PTPRT: variants seen among roughly 807,000 people sequenced by gnomAD.
The protein encoded by PTPRT is receptor-type tyrosine-protein phosphatase T.
Under a neutral mutation model 176.8 loss-of-function variants are expected in PTPRT, and 56 were observed. That is an observed-to-expected ratio of 0.32 (90% confidence interval 0.26 to 0.40). The LOEUF is 0.40. Among genes scored for constraint, PTPRT ranks in the 10% least tolerant of loss-of-function variants. The pLI is 1.00. For synonymous variants in PTPRT, 783 were observed against 739.0 expected (o/e 1.06, Z -0.96); for missense variants, 1,540 against 1,908.2 (o/e 0.81, Z 3.60).
intron 9 of PTPRT, among the ~76,000 whole-genome samples, chr20:42,354,325 T>G (rs2058329274): frequency 6.6e-6 from 1 of 152,110 alleles, no homozygotes; most frequent in Non-Finnish European, 1.5e-5. Flanking sequence ...TGTTTCTGGT[T>G]TCTTTCTCTC....
At chr20:42,380,651 T>C (rs1031084844) in intron 9 of PTPRT, among the ~76,000 whole-genome samples, 1 of 152,222 alleles carries the variant, frequency 6.6e-6, no homozygotes, top group African/African-American at 2.4e-5. Context: ...CTACGGCTCT[T>C]AGCGTAGCTT....
intron 2 of PTPRT, among the ~76,000 whole-genome samples, chr20:42,798,370 GC>G (rs1246847172): frequency 6.6e-6 from 1 of 152,144 alleles, no homozygotes; most frequent in Admixed American, 6.5e-5. Context: ...AAGGCACAAT[GC>G]ACTTTCAAGT....
intron 2 of PTPRT, among the ~76,000 whole-genome samples, chr20:42,872,264 G>T (rs1209347752): frequency 6.6e-6 from 1 of 152,206 alleles, no homozygotes; most frequent in Non-Finnish European, 1.5e-5. Context: ...GGTCTTTTTA[G>T]AAAAGGGTAA....
intron 11 of PTPRT, among the ~76,000 whole-genome samples, chr20:42,317,202 T>C (rs565014680): frequency 6.6e-6 from 1 of 152,354 alleles, no homozygotes; most frequent in East Asian, 1.9e-4. Flanking sequence ...TCCTGTCTAG[T>C]GATCTCATAT....
At chr20:42,526,775 T>C (rs1364376871) in intron 7 of PTPRT, among the ~76,000 whole-genome samples, 2 of 152,048 alleles carry the variant, frequency 1.3e-5, no homozygotes, top group East Asian at 3.9e-4. Flanking sequence ...AGGTTTTATT[T>C]GACGTGGAGC....
chr20:42,243,536 A>T lies in PTPRT; in HGVS notation c.2312+5151T>A, dbSNP rs148282874. Among the ~76,000 whole-genome samples the T allele has an allele frequency of 5.3e-5, 8 of 152,298 alleles. No homozygotes were observed. In the East Asian group the frequency reaches 1.5e-3, roughly 29 times the overall value. On this transcript the variant is annotated intron_variant, in intron 14 of 30. Transcript: ENST00000373187. ...GGCTGAGAGTCAGAGTGTGATAGGA[A>T]CTTTGTAGGTTAAGAGAAATCTCAG... is the stretch of plus-strand genomic sequence containing the variant.
chr20:42,985,043 G>A (rs1364959179), intron 1 of PTPRT, among the ~76,000 whole-genome samples: 1 of 152,210 alleles, frequency 6.6e-6, no homozygotes, highest in East Asian at 1.9e-4. Context: ...AAGATTGAGT[G>A]AATATGACCC....
At chr20:42,639,915 T>C (rs2074700045) in intron 7 of PTPRT, among the ~76,000 whole-genome samples, 1 of 152,132 alleles carries the variant, frequency 6.6e-6, no homozygotes, top group Non-Finnish European at 1.5e-5. Flanking sequence ...CCGCTTCTGC[T>C]TTACAAAATA....
In PTPRT at chr20:42,799,435, G is replaced by C. The variant is rs142009036; in HGVS notation, c.215-7969C>G. ...TTCCAATGATGATGTGATGAAAACA[G>C]ACCCCGGGACAATGTTGCAGGGCAT... On this transcript the variant is annotated intron_variant, in intron 2 of 30. Coordinates refer to ENST00000373187, the MANE Select transcript of PTPRT (RefSeq NM_007050.6). Among the ~76,000 whole-genome samples the C allele has an allele frequency of 1.1e-3, 165 of 152,108 alleles. 1 individual carries two copies. Among genetic ancestry groups the C allele is most frequent in the African/African-American group, 3.3e-3 (135 of 41,416 alleles).
intron 15 of PTPRT, among the ~76,000 whole-genome samples, chr20:42,202,269 C>T (rs973954854): frequency 2.6e-5 from 4 of 152,162 alleles, no homozygotes; most frequent in African/African-American, 4.8e-5. Context: ...CGTGCCCAGC[C>T]GAGAAAGTTT....
In PTPRT at chr20:42,560,544, A is replaced by G. The variant is rs553717177; in HGVS notation, c.1154-87982T>C. Among the ~76,000 whole-genome samples the G allele has an allele frequency of 4.1e-4, 62 of 152,276 alleles. No homozygotes were observed. The South Asian group carries it at 0.013, about 32-fold the overall frequency. The stretch of plus-strand genomic sequence containing the variant: ...AATGTCCTCTGGGGGAATATTGCCA[A>G]TTTCTCATAGGGAGCAAAATTGCCT... On this transcript the variant is annotated intron_variant, in intron 7 of 30. Transcript: ENST00000373187.
chr20:42,280,493 T>A (rs1386191099), intron 13 of PTPRT, among the ~76,000 whole-genome samples: 3 of 152,178 alleles, frequency 2.0e-5, no homozygotes, highest in African/African-American at 7.2e-5. Flanking sequence ...GATTTCCCAA[T>A]ACCCTGACCT....
intron 15 of PTPRT, among the ~76,000 whole-genome samples, chr20:42,209,361 G>A (rs1261634652): frequency 6.6e-6 from 1 of 151,876 alleles, no homozygotes; most frequent in Non-Finnish European, 1.5e-5. Context: ...TCCAGGAGCT[G>A]GTTTTTTGAA....
At position 42,350,224 on chromosome 20, in the gene PTPRT, T is replaced by TTTGTTGTTG. The variant is rs1555830518; in HGVS notation, c.1865+403_1865+404insCAACAACAA. ...ATTAGGATGTTTCTTGTTTTTTTTT[T>TTTGTTGTTG]TTTTTTTTTTTTTTTTTTTTTTGAG... On this transcript the variant is annotated intron_variant, in intron 11 of 30. Transcript: ENST00000373187. Among the ~76,000 whole-genome samples the TTTGTTGTTG allele has an allele frequency of 2.0e-4, 5 of 25,618 alleles. 1 individual carries two copies. The highest frequency in any genetic ancestry group is 5.0e-4 in the African/African-American group (4 of 8,036). 16.8% of individuals were successfully genotyped at this position (25,618 alleles called of 152,430 possible).
chr20:42,085,933 CTTTTCTTT>C (rs1983852975), intron 27 of PTPRT, 80 bp from the exon 28 acceptor site: 14 of 1,420,568 alleles, frequency 9.9e-6, no homozygotes, highest in East Asian at 2.4e-5. Flanking sequence ...ACAAGCTTTT[CTTTTCTTT>C]TTTTCTTTTT....
intron 8 of PTPRT, among the ~76,000 whole-genome samples, chr20:42,459,344 T>C (rs2070978379): frequency 6.6e-6 from 1 of 152,204 alleles, no homozygotes; most frequent in Admixed American, 6.5e-5. Context: ...GGGTTTTTAA[T>C]GTGAGTGACA....
chr20:43,153,240 G>T (rs2146425200), intron 1 of PTPRT, among the ~76,000 whole-genome samples: 1 of 152,270 alleles, frequency 6.6e-6, no homozygotes, highest in African/African-American at 2.4e-5. Flanking sequence ...TGTTTAAAAA[G>T]TATGCATGTG....
intron 1 of PTPRT, among the ~76,000 whole-genome samples, chr20:42,908,866 A>G (rs2079511422): frequency 6.6e-6 from 1 of 152,214 alleles, no homozygotes; most frequent in Non-Finnish European, 1.5e-5. Flanking sequence ...ATTATACACA[A>G]GGAAATACAG....
chr20:42,446,613 TGTGTGTGTGA>T (rs1568886388), intron 9 of PTPRT, among the ~76,000 whole-genome samples: 2 of 148,852 alleles, frequency 1.3e-5, no homozygotes, highest in African/African-American at 5.1e-5. Flanking sequence ...TGTGTGTGTG[TGTGTGTGTGA>T]GAGAGAGAGA....
Sources: allele counts gnomAD v4.1 joint callset (sites outside exome capture counted in the v4.1 genomes callset), GRCh38; gene constraint gnomAD v4.1.1; transcripts MANE v1.5; gene names NCBI Gene and HGNC (gene_info 2026-07-23, HGNC 2026-07-21).